The following PCDHGA3 variants were observed in gnomAD, a reference collection of about 807,000 sequenced individuals.
The protein encoded by PCDHGA3 is protocadherin gamma subfamily A, 3.
PCDHGA3 carries 40 observed loss-of-function variants against 58.5 expected under a neutral mutation model. That is an observed-to-expected ratio of 0.68 (90% CI 0.53 to 0.89). PCDHGA3 has a LOEUF of 0.89. Ranked by LOEUF, PCDHGA3 falls within the 40% of genes least tolerant of loss-of-function variation. The pLI is 0.00. For missense variants in PCDHGA3, 1,223 were observed against 1,195.9 expected (o/e 1.02, Z -0.33); for synonymous variants, 530 against 525.7 (o/e 1.01, Z -0.11).
chr5:141,489,381 T>A lies in PCDHGA3; in HGVS notation c.2425-5426T>A. 1 of 1,613,894 alleles carries A rather than the reference T, an allele frequency of 6.2e-7. No homozygotes were observed. The highest frequency in any genetic ancestry group is 8.5e-7 in the Non-Finnish European group (1 of 1,179,802). ...CTGAGCCGGGGACGCTGGTGGGGAATGTTGCTCAGGATCTGGGCTTAAAGA... is the reference window on the plus strand; with the variant it reads ...CTGAGCCGGGGACGCTGGTGGGGAAAGTTGCTCAGGATCTGGGCTTAAAGA... On this transcript the variant is annotated intron_variant, in intron 1 of 3. Transcript: ENST00000253812. The surrounding 1 kb of genome is among the most constrained non-coding windows in gnomAD (Gnocchi z 4.5).
At chr5:141,367,537 A>AAAGT (rs373624904) in intron 1 of PCDHGA3, 2,027 of 147,518 alleles carry the variant, frequency 0.014, 47 homozygotes, top group African/African-American at 0.049. Flanking sequence ...ACTCCGTCTC[A>AAAGT]AAATAAATAA....
At chr5:141,374,501 G>A (rs746410507) in intron 1 of PCDHGA3, 2 of 1,611,510 alleles carry the variant, frequency 1.2e-6, no homozygotes, top group Non-Finnish European at 1.7e-6. Context: ...AGAATTGGAA[G>A]TGAAAATTCT....
chr5:141,405,370 G>T (rs2094649512), intron 1 of PCDHGA3: 1 of 1,606,236 alleles, frequency 6.2e-7, no homozygotes, highest in Non-Finnish European at 8.5e-7. Context: ...ACACCCCTTT[G>T]GTTCCGGTGA....
chr5:141,468,093 G>C (rs1319825848), intron 1 of PCDHGA3, among the ~76,000 whole-genome samples: 2 of 152,112 alleles, frequency 1.3e-5, no homozygotes, highest in Non-Finnish European at 2.9e-5. Flanking sequence ...GGGAGGTTGA[G>C]GCAGGCAGAT....
At chr5:141,470,015 G>C (rs999085849) in intron 1 of PCDHGA3, among the ~76,000 whole-genome samples, 1 of 152,130 alleles carries the variant, frequency 6.6e-6, no homozygotes, top group Non-Finnish European at 1.5e-5. Context: ...TGTAATCCCA[G>C]CTACTCGGGA....
In PCDHGA3 at chr5:141,389,793, C is replaced by T. The variant is rs773579820; in HGVS notation, c.2424+43336C>T. On this transcript the variant is annotated intron_variant, in intron 1 of 3. Coordinates refer to ENST00000253812, the MANE Select transcript of PCDHGA3 (RefSeq NM_018916.4). Reference sequence around the variant, plus strand: ...TGCCTTAGGCGACAGGGACGCCGTCCGCCAGCGCCTTCTGGTCGCCGTGCG... The same window carrying T: ...TGCCTTAGGCGACAGGGACGCCGTCTGCCAGCGCCTTCTGGTCGCCGTGCG... 8.7e-6 allele frequency: 14 copies of T among 1,613,452 alleles called. No homozygotes were observed. The Admixed American group carries it at 1.8e-4, about 21-fold the overall frequency.
rs1562063782 is a variant in PCDHGA3, at chr5:141,477,676, A to G, written c.2425-17131A>G. ...TAAATCGTGACAATGGCATAGTGTC[A>G]TCCTTAGTGCCCCTAGACTATGAGG... On this transcript the variant is annotated intron_variant, in intron 1 of 3. Coordinates refer to ENST00000253812, the MANE Select transcript of PCDHGA3 (RefSeq NM_018916.4). This position sits in a 1 kb window ranked among gnomAD's most constrained non-coding sequence, Gnocchi z 4.9. The G allele has an allele frequency of 1.2e-6, 2 of 1,614,194 alleles. No homozygotes were observed. The highest frequency in any genetic ancestry group is 1.7e-6 in the Non-Finnish European group (2 of 1,180,046).
Position 141,405,054 on chromosome 5 carries a change from C to G in PCDHGA3, c.2424+58597C>G, listed in dbSNP as rs773491411. ...CTCGTTGTGGCTGTGGCAGTCGTCT[C>G]CTGTGTCTTCCTCACCTTCGTTATC... On this transcript the variant is annotated intron_variant, in intron 1 of 3. Transcript: ENST00000253812. The G allele has an allele frequency of 2.3e-5, 37 of 1,613,806 alleles. 1 individual carries two copies. The South Asian group carries it at 4.1e-4, about 18-fold the overall frequency.
At chr5:141,448,948 A>AAAAC (rs1237948751) in intron 1 of PCDHGA3, among the ~76,000 whole-genome samples, 2 of 152,170 alleles carry the variant, frequency 1.3e-5, no homozygotes, top group African/African-American at 2.4e-5. Flanking sequence ...GCAACTCAAA[A>AAAAC]AAACAAACAA....
chr5:141,449,389 T>C (rs577860793), intron 1 of PCDHGA3, among the ~76,000 whole-genome samples: 5 of 151,964 alleles, frequency 3.3e-5, no homozygotes, highest in African/African-American at 1.2e-4. Flanking sequence ...GGTGGATTAC[T>C]TGAGGCCAGG....
At chr5:141,355,609 C>T (rs372082461) in intron 1 of PCDHGA3, 1 of 1,613,990 alleles carries the variant, frequency 6.2e-7, no homozygotes, top group Non-Finnish European at 8.5e-7. Flanking sequence ...TGGGACAGAA[C>T]AGAGGGAAAT....
chr5:141,498,807 C>T (rs113587634), intron 2 of PCDHGA3, among the ~76,000 whole-genome samples: 5,552 of 152,138 alleles, frequency 0.036, 136 homozygotes, highest in South Asian at 0.073. Context: ...GTGGTGCACA[C>T]CTGTAGTCCC....
In PCDHGA3 at chr5:141,346,053, G is replaced by A. The variant is rs757402197; in HGVS notation, c.2020G>A (p.Asp674Asn). 6.2e-7 allele frequency: 1 copy of A among 1,613,572 alleles called. No homozygotes were observed. Among genetic ancestry groups the A allele is most frequent in the East Asian group, 2.2e-5 (1 of 44,860 alleles). The change falls in exon 1 of 4, where the codon GAC (aspartate) becomes AAC (asparagine). Residue 674 changes from aspartate (D) to asparagine (N), a missense_variant. Physicochemically the swap from Asp to Asn is conservative, Grantham distance 23. Coordinates refer to ENST00000253812, the MANE Select transcript of PCDHGA3 (RefSeq NM_018916.4). ...CGACAGGATCCCCGACATCCTGGCCGACCTGGGCAGCCTCGAGCCCTCCGC... is the reference window on the plus strand; with the variant it reads ...CGACAGGATCCCCGACATCCTGGCCAACCTGGGCAGCCTCGAGCCCTCCGC... ...VADRIPDILA[D>N]LGSLEPSAKP... is the part of the protein sequence containing the mutation.
At chr5:141,510,873 T>A in intron 3 of PCDHGA3, 74 bp from the exon 4 acceptor site, 1 of 1,609,964 alleles carries the variant, frequency 6.2e-7, no homozygotes, top group Non-Finnish European at 8.5e-7. Flanking sequence ...ATTCATTAAC[T>A]GCTGGGGATA....
chr5:141,398,789 C>G (rs1400897772), intron 1 of PCDHGA3: 5 of 1,613,778 alleles, frequency 3.1e-6, no homozygotes, highest in Non-Finnish European at 4.2e-6. Context: ...GGACATCCAC[C>G]CCTAAGCGGC....
chr5:141,399,745 G>A (rs1472441281), intron 1 of PCDHGA3: 2 of 1,613,194 alleles, frequency 1.2e-6, no homozygotes, highest in African/African-American at 2.7e-5. Flanking sequence ...TGCGCTCAGC[G>A]CAAACGTGAG....
At chr5:141,393,194 C>A in intron 1 of PCDHGA3, 2 of 1,613,362 alleles carry the variant, frequency 1.2e-6, no homozygotes, top group Non-Finnish European at 1.7e-6. Context: ...TTGATATTAA[C>A]GATAATAACC....
rs1018097924 is a variant in PCDHGA3 at position 141,413,435 on chromosome 5, G to C, written c.2424+66978G>C. Reference sequence around the variant, plus strand: ...TTCTCTCTGAACCCGCGCAGCGGCAGCTTGATCACCGCGGGCAGGATAGAC... The same window carrying C: ...TTCTCTCTGAACCCGCGCAGCGGCACCTTGATCACCGCGGGCAGGATAGAC... On this transcript the variant is annotated intron_variant, in intron 1 of 3. Transcript: ENST00000253812. The C allele has an allele frequency of 6.2e-6, 10 of 1,614,004 alleles. No homozygotes were observed. The Admixed American group carries it at 1.7e-4, about 27-fold the overall frequency.
intron 1 of PCDHGA3, chr5:141,421,475 G>A (rs752558543): frequency 4.3e-6 from 7 of 1,614,150 alleles, no homozygotes. Flanking sequence ...CCGCGAAGCG[G>A]CAGCTTGATC....
Sources: allele counts gnomAD v4.1 joint callset (sites outside exome capture counted in the v4.1 genomes callset), GRCh38; gene constraint gnomAD v4.1.1; non-coding constraint Gnocchi (gnomAD v3.1); transcripts MANE v1.5; gene names NCBI Gene and HGNC (gene_info 2026-07-23, HGNC 2026-07-21).